NCKAP1: variants seen among roughly 807,000 people sequenced by gnomAD.
The protein encoded by NCKAP1 is nck-associated protein 1.
Under a neutral mutation model 151.2 loss-of-function variants are expected in NCKAP1, and 21 were observed. That is an observed-to-expected ratio of 0.14 (90% CI 0.10 to 0.20). The LOEUF (loss-of-function observed/expected upper bound fraction) is 0.20, where lower values mean the gene tolerates loss of function less well. Ranked by LOEUF, NCKAP1 falls within the 10% of genes least tolerant of loss-of-function variation. NCKAP1 has a pLI of 1.00. For missense variants in NCKAP1, 933 were observed against 1,352.1 expected, an observed-to-expected ratio of 0.69 and a Z score of 4.86; for synonymous variants, 484 against 451.8, an observed-to-expected ratio of 1.07 and a Z score of -0.90.
At chr2:182,990,646 T>A (rs1432403013) in intron 8 of NCKAP1, among the ~76,000 whole-genome samples, 1 of 152,138 alleles carries the variant, frequency 6.6e-6, no homozygotes, top group Non-Finnish European at 1.5e-5. Context: ...ATATACAAGG[T>A]TCTGTAGTGG....
intron 13 of NCKAP1, among the ~76,000 whole-genome samples, chr2:182,981,005 A>G (rs1016454223): frequency 6.6e-6 from 1 of 152,184 alleles, no homozygotes; most frequent in Non-Finnish European, 1.5e-5. Context: ...TCTTCAGGAT[A>G]AATAATTGTG....
Position 182,913,387 on chromosome 2 carries a change from T to G in NCKAP1, c.*12315A>C, listed in dbSNP as rs1292497994. ...GCTCTGCCCTCATGAGTGAATGAAT[T>G]TATTTCTAGATTAATGGATTGATGG... On this transcript the variant is annotated 3_prime_UTR_variant, in exon 31 of 31. Coordinates refer to ENST00000361354, the MANE Select transcript of NCKAP1 (RefSeq NM_013436.5). The G allele has an allele frequency of 6.6e-6, 1 of 152,176 alleles. No individual in the cohort carries two copies. Among genetic ancestry groups the G allele is most frequent in the Non-Finnish European group, 1.5e-5 (1 of 68,028 alleles). 9.4% of individuals were successfully genotyped at this position (152,176 alleles called of 1,614,324 possible). A position where few individuals can be genotyped will look rare whatever the true frequency, so the allele number is the denominator to read the frequency against.
At chr2:183,010,338 A>AT (rs1282316568) in intron 2 of NCKAP1, among the ~76,000 whole-genome samples, 13 of 152,322 alleles carry the variant, frequency 8.5e-5, no homozygotes, top group African/African-American at 3.1e-4. Context: ...GAAGCCTGAG[A>AT]TATCGTATCA....
At chr2:182,983,747 TGGTGACCAGGC>T (rs1697988410) in intron 10 of NCKAP1, among the ~76,000 whole-genome samples, 1 of 152,198 alleles carries the variant, frequency 6.6e-6, no homozygotes, top group Admixed American at 6.5e-5. Context: ...AAGTTCTTGA[TGGTGACCAGGC>T]ACAGTGGCCC....
chr2:182,944,740 A>G (rs573871217), intron 23 of NCKAP1, among the ~76,000 whole-genome samples: 25 of 152,240 alleles, frequency 1.6e-4, no homozygotes, highest in Non-Finnish European at 3.5e-4. Flanking sequence ...AGATAAAAAG[A>G]AAAAGATTGA....
chr2:183,032,657 T>C (rs1237547673), intron 1 of NCKAP1, among the ~76,000 whole-genome samples: 2 of 152,214 alleles, frequency 1.3e-5, no homozygotes, highest in Non-Finnish European at 2.9e-5. Flanking sequence ...ATGTGAAATA[T>C]CATTATGCAG....
intron 1 of NCKAP1, among the ~76,000 whole-genome samples, chr2:183,029,103 G>A (rs572129523): frequency 3.9e-5 from 6 of 151,904 alleles, no homozygotes; most frequent in Non-Finnish European, 8.8e-5. Context: ...GGCAACAAGA[G>A]TGAAACTCTG....
chr2:183,021,287 G>A (rs1047046451), intron 2 of NCKAP1, among the ~76,000 whole-genome samples: 8 of 152,082 alleles, frequency 5.3e-5, no homozygotes, highest in Admixed American at 3.3e-4. Context: ...TCCACACAAC[G>A]GAGTATTATT....
chr2:183,001,697 T>A (rs1698377238), intron 6 of NCKAP1, among the ~76,000 whole-genome samples: 1 of 152,134 alleles, frequency 6.6e-6, no homozygotes, highest in African/African-American at 2.4e-5. Context: ...TACCATATGG[T>A]AAATCCTATT....
At position 182,957,439 on chromosome 2, in the gene NCKAP1, A is replaced by G. The variant is rs2105827469; in HGVS notation, c.2021+18T>C. ...ATTTTACCTGGAGCAAAAAGGTATA[A>G]TATAAGTGGATACTTACTTGGTCAC... On this transcript the variant is annotated intron_variant, in intron 19 of 30. Coordinates refer to ENST00000361354, the MANE Select transcript of NCKAP1 (RefSeq NM_013436.5). The G allele has an allele frequency of 6.2e-7, 1 of 1,606,170 alleles. No homozygotes were observed. The highest frequency in any genetic ancestry group is 8.5e-7 in the Non-Finnish European group (1 of 1,177,870).
chr2:183,023,759 C>T, intron 2 of NCKAP1, 47 bp downstream of exon 2: 1 of 1,467,756 alleles, frequency 6.8e-7, no homozygotes, highest in East Asian at 2.3e-5. Flanking sequence ...CACTGTTTCT[C>T]TAAAAGATGC....
In NCKAP1 at chr2:182,925,538, G is replaced by T. The variant is rs1168405592; in HGVS notation, c.*164C>A. The T allele has an allele frequency of 9.6e-6, 4 of 416,844 alleles. No homozygotes were observed. The highest frequency in any genetic ancestry group is 2.1e-5 in the African/African-American group (1 of 48,046). 25.8% of individuals were successfully genotyped at this position (416,844 alleles called of 1,614,324 possible). On this transcript the variant is annotated 3_prime_UTR_variant, in exon 31 of 31. Transcript: ENST00000361354. ...GCAACCTAAATCAACCAAGTATACT[G>T]TAGTACAACCATATTAAGAAACCAA... is the stretch of plus-strand genomic sequence containing the variant.
intron 20 of NCKAP1, among the ~76,000 whole-genome samples, chr2:182,955,626 T>C (rs1415156069): frequency 6.6e-6 from 1 of 152,218 alleles, no homozygotes; most frequent in Non-Finnish European, 1.5e-5. Flanking sequence ...AGGGTTCATC[T>C]AGTCCTCAGG....
chr2:182,934,909 ATTAATT>A, intron 25 of NCKAP1, 77 bp from the exon 26 acceptor site: 2 of 672,272 alleles, frequency 3.0e-6, no homozygotes, highest in Non-Finnish European at 4.9e-6. Context: ...TTACCAATTG[ATTAATT>A]TTAGTTTTCA....
chr2:182,978,727 A>G, intron 14 of NCKAP1, 107 bp downstream of exon 14: 1 of 562,168 alleles, frequency 1.8e-6, no homozygotes, highest in Non-Finnish European at 2.8e-6. Context: ...AATTAAGATA[A>G]AAGATAATAG....
intron 2 of NCKAP1, among the ~76,000 whole-genome samples, chr2:183,012,651 A>C (rs1575064829): frequency 1.5e-5 from 2 of 136,000 alleles, no homozygotes; most frequent in African/African-American, 2.8e-5. Flanking sequence ...ACAGAGTCTC[A>C]CTCTGTCCCA....
rs1553517568 is a variant in NCKAP1 at position 183,009,471 on chromosome 2, G to GTAGC, written c.220-6147_220-6146insGCTA. ...GGAAGGAAGGAAGGAAGGAAGGAAG[G>GTAGC]AAGGAAGCAAGCAAGCAAGCAGGCA... On this transcript the variant is annotated intron_variant, in intron 2 of 30. Coordinates refer to ENST00000361354, the MANE Select transcript of NCKAP1 (RefSeq NM_013436.5). 5.1e-3 allele frequency among the ~76,000 whole-genome samples: 467 copies of GTAGC among 92,220 alleles called. 6 individuals are homozygous for GTAGC. Among genetic ancestry groups the GTAGC allele is most frequent in the Middle Eastern group, 0.024 (4 of 170 alleles). 60.5% of individuals were successfully genotyped at this position (92,220 alleles called of 152,430 possible).
intron 2 of NCKAP1, chr2:183,022,888 G>T (rs1698821265): frequency 6.6e-6 from 1 of 152,186 alleles, no homozygotes; most frequent in Admixed American, 6.6e-5. Flanking sequence ...GTAGTGAGAA[G>T]GGGGCAAAGA....
At chr2:183,037,570 C>A (rs1699127420) in intron 1 of NCKAP1, among the ~76,000 whole-genome samples, 1 of 152,190 alleles carries the variant, frequency 6.6e-6, no homozygotes, top group Non-Finnish European at 1.5e-5. Context: ...AATCCCTGTT[C>A]ACTGCTGCCA....
Sources: gnomAD v4.1 joint callset for allele counts (sites outside exome capture counted in the v4.1 genomes callset) on GRCh38, gnomAD v4.1.1 for gene constraint, MANE v1.5 for transcripts, NCBI Gene and HGNC (gene_info 2026-07-23, HGNC 2026-07-21) for gene names.